Variants in RYR2 observed in about 807,000 individuals in gnomAD.
RYR2 encodes cardiac muscle ryanodine receptor-calcium release channel.
RYR2 carries 227 observed loss-of-function variants against 601.1 expected under a neutral mutation model. The ratio of observed to expected loss-of-function variants is 0.38; its 90% CI spans 0.34 to 0.42. RYR2 has a LOEUF of 0.42. Ranked by LOEUF, RYR2 falls within the 10% of genes least tolerant of loss-of-function variation. The pLI is 1.00. For missense variants in RYR2, 4,646 were observed against 6,156.5 expected, an observed-to-expected ratio of 0.75 and a Z score of 8.21; for synonymous variants, 2,223 against 2,175.1, an observed-to-expected ratio of 1.02 and a Z score of -0.61.
chr1:237,419,673 G>A (rs2150041800), intron 11 of RYR2, among the ~76,000 whole-genome samples: 1 of 152,198 alleles, frequency 6.6e-6, no homozygotes, highest in Admixed American at 6.5e-5. Context: ...TCTTCTCTCT[G>A]ACCCTTGATT....
chr1:237,784,945 C>T lies in RYR2; in HGVS notation c.13233C>T (p.Pro4411=), dbSNP rs770195281. Residue 4411 remains proline, a synonymous_variant, in exon 90 of 105, where the codon CCC becomes CCT. Coordinates refer to ENST00000366574, the MANE Select transcript of RYR2 (RefSeq NM_001035.3). The surrounding 1 kb of genome is among the most constrained non-coding windows in gnomAD (Gnocchi z 7.1). ...GTGACCTCATGAGCAACCCAGTCCC[C>T]ATGCCTGAGGTGCAGGAAAAATTTC... The part of the protein sequence containing the change: ...GLSDLMSNPV[P]MPEVQEKFQE... 2.5e-6 allele frequency: 4 copies of T among 1,601,114 alleles called. No individual in the cohort carries two copies. The South Asian group carries it at 4.5e-5, about 18-fold the overall frequency.
intron 25 of RYR2, among the ~76,000 whole-genome samples, chr1:237,544,581 A>G (rs1669611364): frequency 6.6e-6 from 1 of 152,156 alleles, no homozygotes; most frequent in Non-Finnish European, 1.5e-5. Context: ...GTTCATGTCA[A>G]TTACATTTGA....
chr1:237,214,051 G>C (rs1042610796), intron 1 of RYR2, among the ~76,000 whole-genome samples: 1 of 150,660 alleles, frequency 6.6e-6, no homozygotes, highest in African/African-American at 2.4e-5. Context: ...CTCCCAGGTA[G>C]CTGGGACTAC....
intron 62 of RYR2, 81 bp from the exon 63 acceptor site, chr1:237,687,374 T>TTTTTTTTTTTTTTTTTTTTC: frequency 1.5e-6 from 1 of 650,730 alleles, no homozygotes; most frequent in South Asian, 2.1e-5. Context: ...TTCTTTTTTT[T>TTTTTTTTTTTTTTTTTTTTC]TTTTTTTTTT....
intron 1 of RYR2, among the ~76,000 whole-genome samples, chr1:237,136,388 T>C (rs922080746): frequency 6.6e-6 from 1 of 152,158 alleles, no homozygotes; most frequent in Non-Finnish European, 1.5e-5. Flanking sequence ...ACCTGGGCTA[T>C]ATAAGAGGTA....
intron 1 of RYR2, among the ~76,000 whole-genome samples, chr1:237,156,096 T>C (rs1244368657): frequency 1.3e-5 from 2 of 152,324 alleles, no homozygotes; most frequent in Admixed American, 1.3e-4. Context: ...CCTTCAATCG[T>C]GGCTTGGGCT....
intron 1 of RYR2, among the ~76,000 whole-genome samples, chr1:237,066,842 C>T (rs531339025): frequency 7.9e-4 from 120 of 152,092 alleles, no homozygotes; most frequent in Admixed American, 2.4e-3. Context: ...GGGGTTTCAC[C>T]GTGTTAGGAT....
At chr1:237,425,675 G>T (rs1706079945) in intron 12 of RYR2, among the ~76,000 whole-genome samples, 1 of 151,820 alleles carries the variant, frequency 6.6e-6, no homozygotes. Flanking sequence ...TATTTTCTAT[G>T]CCTTAGGTGG....
intron 2 of RYR2, among the ~76,000 whole-genome samples, chr1:237,309,804 G>A (rs1417799282): frequency 6.6e-6 from 1 of 152,048 alleles, no homozygotes; most frequent in Non-Finnish European, 1.5e-5. Flanking sequence ...GCGAGAATTT[G>A]AGCACAGCAC....
rs58146773 is a variant in RYR2, at chr1:237,535,484, TACACACAC to T, written c.2906+5001_2906+5008del. On this transcript the variant is annotated intron_variant, in intron 25 of 104. Transcript: ENST00000366574. ...TTAAAGGAATTGAATCAAACACACA[TACACACAC>T]ACACACACACACACACACACACACA... Among the ~76,000 whole-genome samples, 1,420 of 144,720 alleles carry T rather than the reference TACACACAC, an allele frequency of 9.8e-3. 27 individuals carry two copies. The highest frequency in any genetic ancestry group is 0.034 in the African/African-American group (1,332 of 38,692). 94.9% of individuals were successfully genotyped at this position (144,720 alleles called of 152,430 possible).
At chr1:237,550,087 G>C (rs1434790630) in intron 26 of RYR2, among the ~76,000 whole-genome samples, 1 of 152,160 alleles carries the variant, frequency 6.6e-6, no homozygotes, top group African/African-American at 2.4e-5. Flanking sequence ...GACATAGAAG[G>C]GTGGTCCATA....
At chr1:237,579,533 G>A (rs1673657904) in intron 29 of RYR2, among the ~76,000 whole-genome samples, 1 of 152,056 alleles carries the variant, frequency 6.6e-6, no homozygotes, top group African/African-American at 2.4e-5. Context: ...GGGATTACAG[G>A]CGTGAGCTGC....
chr1:237,470,223 G>C (rs1015220552), intron 17 of RYR2, among the ~76,000 whole-genome samples: 1 of 152,100 alleles, frequency 6.6e-6, no homozygotes, highest in Non-Finnish European at 1.5e-5. Context: ...GGCACCTATA[G>C]GTGTCTAGTA....
intron 101 of RYR2, among the ~76,000 whole-genome samples, chr1:237,822,739 T>TA: frequency 6.6e-6 from 1 of 152,144 alleles, no homozygotes; most frequent in Non-Finnish European, 1.5e-5. Flanking sequence ...ACTGGCAAAT[T>TA]GGATAAAGAG....
At chr1:237,506,586 C>G in intron 22 of RYR2, 124 bp from the exon 23 acceptor site, 2 of 561,572 alleles carry the variant, frequency 3.6e-6, no homozygotes. Context: ...TGGCTTAGAA[C>G]TTTGTTCTAT....
chr1:237,466,717 T>C (rs993456728), intron 16 of RYR2, among the ~76,000 whole-genome samples: 1 of 152,052 alleles, frequency 6.6e-6, no homozygotes, highest in Non-Finnish European at 1.5e-5. Context: ...TTTCACCCAA[T>C]TGCTTAGCAA....
intron 3 of RYR2, among the ~76,000 whole-genome samples, chr1:237,347,837 T>C (rs1698431031): frequency 6.6e-6 from 1 of 152,078 alleles, no homozygotes; most frequent in African/African-American, 2.4e-5. Context: ...AATCAGAATA[T>C]ATTAAATTTA....
intron 3 of RYR2, among the ~76,000 whole-genome samples, chr1:237,341,487 C>T (rs1370701402): frequency 6.6e-6 from 1 of 152,160 alleles, no homozygotes; most frequent in Non-Finnish European, 1.5e-5. Context: ...GTGTTTTCTT[C>T]AAAGCACTGA....
intron 1 of RYR2, among the ~76,000 whole-genome samples, chr1:237,147,476 T>A (rs1442242995): frequency 6.6e-6 from 1 of 152,230 alleles, no homozygotes. Context: ...TCCTCTAAAC[T>A]TGAGCCCCTC....
Sources: allele counts gnomAD v4.1 joint callset (sites outside exome capture counted in the v4.1 genomes callset), GRCh38; gene constraint gnomAD v4.1.1; non-coding constraint Gnocchi (gnomAD v3.1); transcripts MANE v1.5; gene names NCBI Gene and HGNC (gene_info 2026-07-23, HGNC 2026-07-21).